KAZN: variants seen among roughly 807,000 people sequenced by gnomAD.
KAZN encodes the protein kazrin.
KAZN carries 40 observed loss-of-function variants against 87.4 expected under a neutral mutation model. That is an observed-to-expected ratio of 0.46 (90% CI 0.36 to 0.60). The LOEUF is 0.60. Ranked by LOEUF, KAZN falls within the 20% of genes least tolerant of loss-of-function variation. KAZN has a pLI of 0.00. For synonymous variants in KAZN, 466 were observed against 458.3 expected (o/e 1.02, Z -0.22); for missense variants, 898 against 1,073.9 (o/e 0.84, Z 2.29).
intron 2 of KAZN, among the ~76,000 whole-genome samples, chr1:14,232,928 A>G (rs1014362587): frequency 6.6e-6 from 1 of 152,186 alleles, no homozygotes; most frequent in Non-Finnish European, 1.5e-5. Context: ...ACTTTTAGAA[A>G]GGTAATTTAA....
chr1:14,417,156 C>A (rs1168443336), intron 2 of KAZN, among the ~76,000 whole-genome samples: 3 of 147,198 alleles, frequency 2.0e-5, no homozygotes, highest in Non-Finnish European at 4.5e-5. Flanking sequence ...TGCACCTGGG[C>A]AACAGAGCCA....
rs78029843 is a variant in KAZN at position 14,133,960 on chromosome 1, C to G, written c.92-46475C>G. On this transcript the variant is annotated intron_variant, in intron 1 of 16. Transcript: ENST00000636203. ...AGAGTGGACGTTTCATCATAGGGGACGACACAGTTCTGATTCCTGCTTCTG... is the reference window on the plus strand; with the variant it reads ...AGAGTGGACGTTTCATCATAGGGGAGGACACAGTTCTGATTCCTGCTTCTG... Among the ~76,000 whole-genome samples the G allele has an allele frequency of 9.2e-3, 1,398 of 152,266 alleles. 26 individuals are homozygous for G. Among genetic ancestry groups the G allele is most frequent in the African/African-American group, 0.031 (1,290 of 41,530 alleles).
At chr1:14,764,373 C>T (rs904549595) in intron 1 of KAZN, among the ~76,000 whole-genome samples, 2 of 114,388 alleles carry the variant, frequency 1.7e-5, no homozygotes, top group African/African-American at 3.1e-5. Context: ...CCACTCCCGA[C>T]CCCCTCCCCC....
At chr1:14,107,315 CA>C (rs1448079411) in intron 1 of KAZN, among the ~76,000 whole-genome samples, 1 of 151,802 alleles carries the variant, frequency 6.6e-6, no homozygotes, top group East Asian at 2.0e-4. Flanking sequence ...CTCAAGCCAG[CA>C]ATTTGTGTCA....
At chr1:14,162,392 G>C (rs888178347) in intron 1 of KAZN, among the ~76,000 whole-genome samples, 1 of 152,044 alleles carries the variant, frequency 6.6e-6, no homozygotes. Flanking sequence ...TTTCTACCCT[G>C]AATTTTTGCT....
chr1:14,002,595 G>A (rs1329073776), intron 1 of KAZN, among the ~76,000 whole-genome samples: 8 of 152,224 alleles, frequency 5.3e-5, no homozygotes, highest in East Asian at 3.9e-4. Context: ...TTTATCAGCC[G>A]TGTGAAAATG....
chr1:14,280,405 G>A (rs962737193), intron 2 of KAZN, among the ~76,000 whole-genome samples: 1 of 146,028 alleles, frequency 6.8e-6, no homozygotes, highest in Non-Finnish European at 1.5e-5. Flanking sequence ...AAAAGACGAG[G>A]TTGCATTGGA....
At chr1:14,112,580 G>A (rs879537000) in intron 1 of KAZN, among the ~76,000 whole-genome samples, 18 of 152,156 alleles carry the variant, frequency 1.2e-4, no homozygotes, top group Non-Finnish European at 1.9e-4. Flanking sequence ...GGTGTAGGGG[G>A]AAACTGTGAC....
chr1:14,822,980 A>G (rs1572574743), intron 1 of KAZN, among the ~76,000 whole-genome samples: 1 of 152,100 alleles, frequency 6.6e-6, no homozygotes, highest in South Asian at 2.1e-4. Flanking sequence ...GGGGATCGCC[A>G]CCATCCTATG....
chr1:14,578,764 A>C (rs1254454833), intron 2 of KAZN, among the ~76,000 whole-genome samples: 1 of 152,180 alleles, frequency 6.6e-6, no homozygotes, highest in Non-Finnish European at 1.5e-5. Flanking sequence ...ATATACTGAT[A>C]TTAATATGCC....
intron 1 of KAZN, among the ~76,000 whole-genome samples, chr1:14,059,273 C>A (rs1642695896): frequency 6.6e-6 from 1 of 152,102 alleles, no homozygotes; most frequent in Admixed American, 6.5e-5. Flanking sequence ...CAGTCTGAGT[C>A]CAAAAGCCTC....
intron 2 of KAZN, among the ~76,000 whole-genome samples, chr1:14,265,666 A>G (rs1375175250): frequency 6.6e-6 from 1 of 152,156 alleles, no homozygotes; most frequent in Non-Finnish European, 1.5e-5. Flanking sequence ...TGGAAATTTT[A>G]TTTCACATGC....
chr1:14,807,532 G>A (rs1034626715), intron 1 of KAZN, among the ~76,000 whole-genome samples: 1 of 152,164 alleles, frequency 6.6e-6, no homozygotes, highest in African/African-American at 2.4e-5. Context: ...CCTTTGGGAG[G>A]CCAAAGCGGG....
rs35268955 is a variant in KAZN at position 13,917,797 on chromosome 1, C to CAAAAA, written c.91+24059_91+24063dup. The stretch of plus-strand genomic sequence containing the variant: ...GGTGACAGAGAAAGACCTGTGTCAT[C>CAAAAA]AAAAAAAAAAAAAAAAAAAAAAGGA... On this transcript the variant is annotated intron_variant, in intron 1 of 16. Coordinates refer to the KAZN transcript ENST00000636203. Among the ~76,000 whole-genome samples, 38 of 77,888 alleles carry CAAAAA rather than the reference C, an allele frequency of 4.9e-4. 1 individual carries two copies. Among genetic ancestry groups the CAAAAA allele is most frequent in the African/African-American group, 1.5e-3 (28 of 18,474 alleles). 51.1% of individuals were successfully genotyped at this position (77,888 alleles called of 152,430 possible). A position where few individuals can be genotyped will look rare whatever the true frequency, so the allele number is the denominator to read the frequency against.
intron 1 of KAZN, among the ~76,000 whole-genome samples, chr1:13,948,068 G>A (rs1437097190): frequency 1.3e-5 from 2 of 152,150 alleles, no homozygotes; most frequent in Non-Finnish European, 2.9e-5. Context: ...GATCCTTAAT[G>A]GCAAAGACTG....
At chr1:14,699,625 G>A (rs1298206438) in intron 1 of KAZN, among the ~76,000 whole-genome samples, 1 of 152,216 alleles carries the variant, frequency 6.6e-6, no homozygotes, top group Non-Finnish European at 1.5e-5. Flanking sequence ...GCGATGAGGA[G>A]CATGAAGCTT....
chr1:14,836,695 G>A (rs961959347), intron 1 of KAZN, among the ~76,000 whole-genome samples: 1 of 152,094 alleles, frequency 6.6e-6, no homozygotes, highest in African/African-American at 2.4e-5. Flanking sequence ...CTCCACCCAA[G>A]CCAAGTCCTG....
intron 1 of KAZN, among the ~76,000 whole-genome samples, chr1:14,825,573 A>G (rs1395398495): frequency 6.6e-6 from 1 of 152,184 alleles, no homozygotes; most frequent in Non-Finnish European, 1.5e-5. Context: ...TTTTATCATC[A>G]TCCCCATTTT....
intron 2 of KAZN, among the ~76,000 whole-genome samples, chr1:15,010,965 C>G (rs1669518557): frequency 1.3e-5 from 2 of 152,172 alleles, no homozygotes; most frequent in South Asian, 4.1e-4. Context: ...TAAAAGCTTC[C>G]ATCATCAGGA....
Sources: allele counts gnomAD v4.1 joint callset (sites outside exome capture counted in the v4.1 genomes callset), GRCh38; gene constraint gnomAD v4.1.1; transcripts MANE v1.5; gene names NCBI Gene and HGNC (gene_info 2026-07-23, HGNC 2026-07-21).